CLVS1: variants seen among roughly 807,000 people sequenced by gnomAD.
The protein encoded by CLVS1 is clavesin-1.
In CLVS1, 10 loss-of-function variants were observed where a neutral mutation model predicts 33.1. The ratio of observed to expected loss-of-function variants is 0.30; its 90% CI spans 0.19 to 0.51. The LOEUF (loss-of-function observed/expected upper bound fraction) is 0.51, where lower values mean the gene tolerates loss of function less well. Among genes scored for constraint, CLVS1 ranks in the 20% least tolerant of loss-of-function variants. The pLI is 0.97. For synonymous variants in CLVS1, 163 were observed against 166.1 expected, an observed-to-expected ratio of 0.98 and a Z score of 0.14; for missense variants, 343 against 433.4, an observed-to-expected ratio of 0.79 and a Z score of 1.85.
chr8:61,476,725 C>A (rs1354793578), intron 5 of CLVS1, among the ~76,000 whole-genome samples: 1 of 152,118 alleles, frequency 6.6e-6, no homozygotes, highest in Non-Finnish European at 1.5e-5. Context: ...TCTAGATATA[C>A]AATCATGTCA....
intron 2 of CLVS1, among the ~76,000 whole-genome samples, chr8:61,221,083 G>A (rs1808205152): frequency 1.3e-5 from 2 of 152,130 alleles, no homozygotes; most frequent in African/African-American, 4.8e-5. Context: ...AAGTTTTTGG[G>A]CTGAGATGAT....
intron 2 of CLVS1, among the ~76,000 whole-genome samples, chr8:61,268,173 C>G (rs377714025): frequency 1.5e-5 from 2 of 135,794 alleles, no homozygotes; most frequent in Admixed American, 7.6e-5. Flanking sequence ...CCCCTCCCCC[C>G]ACCCCACAAC....
At chr8:61,268,543 G>A (rs1179804614) in intron 2 of CLVS1, among the ~76,000 whole-genome samples, 1 of 146,472 alleles carries the variant, frequency 6.8e-6, no homozygotes, top group Admixed American at 6.8e-5. Flanking sequence ...GTAATGGGAT[G>A]GCTGGGTCAA....
chr8:61,398,974 C>G (rs531439982), intron 3 of CLVS1, among the ~76,000 whole-genome samples: 1 of 152,214 alleles, frequency 6.6e-6, no homozygotes, highest in Non-Finnish European at 1.5e-5. Context: ...AGGTTGATTC[C>G]GTGTCTTTGC....
intron 5 of CLVS1, among the ~76,000 whole-genome samples, chr8:61,477,008 G>A (rs1047733981): frequency 6.6e-6 from 1 of 151,214 alleles, no homozygotes; most frequent in African/African-American, 2.4e-5. Context: ...CTAGCATGAA[G>A]GTTGTTGAAT....
chr8:61,159,841 T>C (rs1352537174), intron 2 of CLVS1, among the ~76,000 whole-genome samples: 1 of 152,186 alleles, frequency 6.6e-6, no homozygotes, highest in Admixed American at 6.5e-5. Context: ...ACACCAAGGG[T>C]GCAAGAGCAA....
At chr8:61,282,380 G>A (rs1413919306) in intron 2 of CLVS1, among the ~76,000 whole-genome samples, 4 of 152,154 alleles carry the variant, frequency 2.6e-5, no homozygotes, top group African/African-American at 9.7e-5. Flanking sequence ...AGATGCCACA[G>A]TAGAACCTGG....
At chr8:61,044,494 G>A in the CLVS1 span, among the ~76,000 whole-genome samples, 1 of 152,030 alleles carries the variant, frequency 6.6e-6, no homozygotes, top group African/African-American at 2.4e-5. Flanking sequence ...ATACAAATAA[G>A]CTACATGAAC....
At chr8:61,304,049 C>A (rs1292890439) in intron 2 of CLVS1, among the ~76,000 whole-genome samples, 1 of 152,208 alleles carries the variant, frequency 6.6e-6, no homozygotes, top group East Asian at 1.9e-4. Context: ...TGTTTCCTTT[C>A]ACACAGACCC....
chr8:61,290,165 G>A (rs1290536795), intron 1 of CLVS1, among the ~76,000 whole-genome samples: 1 of 152,190 alleles, frequency 6.6e-6, no homozygotes. Flanking sequence ...AGTGCCTCTA[G>A]AGCTTCTGTC....
At chr8:61,221,348 G>T (rs1808212346) in intron 2 of CLVS1, among the ~76,000 whole-genome samples, 1 of 152,146 alleles carries the variant, frequency 6.6e-6, no homozygotes. Flanking sequence ...ATTATTTTGA[G>T]ATATATTCCA....
intron 2 of CLVS1, among the ~76,000 whole-genome samples, chr8:61,311,123 C>T (rs1021660273): frequency 2.0e-5 from 3 of 152,158 alleles, no homozygotes; most frequent in African/African-American, 7.2e-5. Context: ...GATATGATTT[C>T]TCATTCAGTG....
At chr8:61,371,628 G>A (rs1813443915) in intron 2 of CLVS1, among the ~76,000 whole-genome samples, 1 of 152,128 alleles carries the variant, frequency 6.6e-6, no homozygotes, top group South Asian at 2.1e-4. Context: ...CTAGCACTGG[G>A]ATCAAGTTCT....
intron 5 of CLVS1, among the ~76,000 whole-genome samples, chr8:61,479,146 A>C (rs933832919): frequency 2.6e-5 from 4 of 152,164 alleles, no homozygotes; most frequent in Non-Finnish European, 5.9e-5. Flanking sequence ...ATATTGCAGA[A>C]GTTCTCCTGG....
At chr8:61,459,579 G>A (rs987309131) in intron 5 of CLVS1, among the ~76,000 whole-genome samples, 1 of 150,330 alleles carries the variant, frequency 6.7e-6, no homozygotes, top group Non-Finnish European at 1.5e-5. Context: ...CTCACCCATC[G>A]GTGAGAACAT....
intron 1 of CLVS1, among the ~76,000 whole-genome samples, chr8:61,106,784 T>C (rs1331185579): frequency 6.6e-6 from 1 of 152,130 alleles, no homozygotes; most frequent in Non-Finnish European, 1.5e-5. Flanking sequence ...AGCTTCTAGA[T>C]AAGAGTCAGC....
intron 1 of CLVS1, among the ~76,000 whole-genome samples, chr8:61,074,001 C>T (rs1311022493): frequency 8.3e-6 from 1 of 121,078 alleles, no homozygotes; most frequent in Non-Finnish European, 1.6e-5. Flanking sequence ...AACAGTGAGA[C>T]TCCGTCTCAA....
chr8:60,969,483 T>C, the CLVS1 span, among the ~76,000 whole-genome samples: 1 of 152,198 alleles, frequency 6.6e-6, no homozygotes, highest in African/African-American at 2.4e-5. Context: ...ATCTCTGTTT[T>C]AATATTAATG....
intron 2 of CLVS1, chr8:61,202,449 G>A: frequency 1.3e-6 from 1 of 788,456 alleles, no homozygotes. Context: ...ACTTTAAGGT[G>A]GATAATGATG....
Sources: allele counts gnomAD v4.1 joint callset (sites outside exome capture counted in the v4.1 genomes callset), GRCh38; gene constraint gnomAD v4.1.1; transcripts MANE v1.5; gene names NCBI Gene and HGNC (gene_info 2026-07-23, HGNC 2026-07-21).